SLIT1: variants seen among roughly 807,000 people sequenced by gnomAD.
SLIT1 encodes slit guidance ligand 1.
In SLIT1, 66 loss-of-function variants were observed where a neutral mutation model predicts 186.1. The ratio of observed to expected loss-of-function variants is 0.35; its 90% CI spans 0.29 to 0.44. The LOEUF is 0.44. Among genes scored for constraint, SLIT1 ranks in the 20% least tolerant of loss-of-function variants. The probability of loss-of-function intolerance (pLI) is 1.00; values close to 1 mark genes in which losing one functional copy is unlikely to be tolerated. For synonymous variants in SLIT1, 761 were observed against 833.8 expected, an observed-to-expected ratio of 0.91 and a Z score of 1.50; for missense variants, 1,638 against 2,037.4, an observed-to-expected ratio of 0.80 and a Z score of 3.77.
intron 4 of SLIT1, among the ~76,000 whole-genome samples, chr10:97,156,855 C>T (rs1035559375): frequency 6.6e-6 from 1 of 152,138 alleles, no homozygotes; most frequent in Non-Finnish European, 1.5e-5. Context: ...ATAGCTCCTT[C>T]AGGGACGAAC....
chr10:97,136,970 C>T (rs898017944), intron 4 of SLIT1, among the ~76,000 whole-genome samples: 9 of 152,126 alleles, frequency 5.9e-5, no homozygotes, highest in Non-Finnish European at 7.3e-5. Flanking sequence ...CAACAAAGAC[C>T]GATGCTCTTG....
intron 4 of SLIT1, among the ~76,000 whole-genome samples, chr10:97,127,004 T>G (rs1849608843): frequency 6.6e-6 from 1 of 152,106 alleles, no homozygotes; most frequent in African/African-American, 2.4e-5. Context: ...TTTAAAGGTT[T>G]TGAAGGCTGG....
chr10:97,071,669 G>A (rs924915118), intron 4 of SLIT1, among the ~76,000 whole-genome samples: 11 of 152,160 alleles, frequency 7.2e-5, no homozygotes, highest in Non-Finnish European at 1.0e-4. Flanking sequence ...TGGGCTGAGC[G>A]GGGCTCTGAG....
chr10:97,015,790 T>C (rs1258064011), intron 28 of SLIT1, among the ~76,000 whole-genome samples: 1 of 152,110 alleles, frequency 6.6e-6, no homozygotes, highest in Non-Finnish European at 1.5e-5. Context: ...CTTATGGTGA[T>C]GAGAAATAAG....
intron 4 of SLIT1, among the ~76,000 whole-genome samples, chr10:97,099,801 T>A (rs1469164682): frequency 6.6e-6 from 1 of 152,172 alleles, no homozygotes; most frequent in Admixed American, 6.5e-5. Flanking sequence ...GCCCCCGCAG[T>A]GTCTGGTTAC....
At chr10:97,110,398 C>T (rs895083765) in intron 4 of SLIT1, among the ~76,000 whole-genome samples, 10 of 152,124 alleles carry the variant, frequency 6.6e-5, no homozygotes, top group South Asian at 2.1e-4. Flanking sequence ...ATTATTTGCA[C>T]GGAAAAACCT....
At chr10:97,049,253 GGAAA>G (rs1848766359) in intron 13 of SLIT1, 135 bp from the exon 14 acceptor site, 11 of 1,025,476 alleles carry the variant, frequency 1.1e-5, no homozygotes, top group Non-Finnish European at 1.5e-5. Context: ...AGCCACGGGG[GGAAA>G]GAGAGAGTGG....
At chr10:97,153,015 A>C (rs567098211) in intron 4 of SLIT1, 1 of 152,174 alleles carries the variant, frequency 6.6e-6, no homozygotes, top group African/African-American at 2.4e-5. Flanking sequence ...CTATATTTCA[A>C]TATTCTAAAT....
chr10:97,113,015 A>G (rs972291007), intron 4 of SLIT1, among the ~76,000 whole-genome samples: 1 of 151,984 alleles, frequency 6.6e-6, no homozygotes, highest in Non-Finnish European at 1.5e-5. Context: ...TAAATAAGCA[A>G]TTGGATGCCA....
At chr10:97,182,104 G>C (rs558532732) in intron 1 of SLIT1, among the ~76,000 whole-genome samples, 1 of 152,288 alleles carries the variant, frequency 6.6e-6, no homozygotes, top group Admixed American at 6.5e-5. Flanking sequence ...TCATTACAGT[G>C]AATTATTTAG....
chr10:97,086,847 T>C (rs980370062), intron 4 of SLIT1, among the ~76,000 whole-genome samples: 1 of 152,086 alleles, frequency 6.6e-6, no homozygotes, highest in African/African-American at 2.4e-5. Flanking sequence ...CATTAGACAT[T>C]TGTCCAGACC....
intron 4 of SLIT1, among the ~76,000 whole-genome samples, chr10:97,097,107 G>A (rs985549249): frequency 5.9e-5 from 9 of 152,158 alleles, no homozygotes; most frequent in African/African-American, 1.9e-4. Context: ...ACTAGCACCC[G>A]CCTAGCCTAG....
chr10:97,185,723 A>G lies in SLIT1; in HGVS notation c.-49T>C, dbSNP rs1850405342. ...GCGAGCCAGACGGCAGCAGCCGCTG[A>G]CCATCCCCGTCCGGGGCCGCCTCCA... On this transcript the variant is annotated 5_prime_UTR_variant, in exon 1 of 37. Coordinates refer to ENST00000266058, the MANE Select transcript of SLIT1 (RefSeq NM_003061.3). 7.1e-7 allele frequency: 1 copy of G among 1,413,954 alleles called. No individual in the cohort carries two copies. The allele number at this position is 1,413,954 out of a possible 1,614,324, so 87.6% of individuals were successfully genotyped here.
intron 13 of SLIT1, among the ~76,000 whole-genome samples, chr10:97,050,547 C>A (rs930065334): frequency 6.6e-6 from 1 of 152,236 alleles, no homozygotes; most frequent in African/African-American, 2.4e-5. Context: ...GCTCAACATT[C>A]ATTTCCCCTT....
At chr10:97,062,455 T>G (rs1193466224) in intron 8 of SLIT1, among the ~76,000 whole-genome samples, 1 of 152,220 alleles carries the variant, frequency 6.6e-6, no homozygotes, top group Non-Finnish European at 1.5e-5. Flanking sequence ...GTCACAAATC[T>G]GAGAACTGTC....
chr10:97,002,565 G>T (rs899841750), intron 35 of SLIT1, 139 bp downstream of exon 35: 25 of 872,272 alleles, frequency 2.9e-5, no homozygotes, highest in Non-Finnish European at 3.9e-5. Flanking sequence ...TTAATAAAAA[G>T]TGAAAGCCAG....
chr10:97,130,554 T>G (rs746954412), intron 4 of SLIT1, among the ~76,000 whole-genome samples: 38 of 152,126 alleles, frequency 2.5e-4, no homozygotes, highest in Non-Finnish European at 5.3e-4. Context: ...CCCAGCACGG[T>G]CAAATTCACG....
intron 1 of SLIT1, among the ~76,000 whole-genome samples, chr10:97,172,934 GGAGA>G (rs72293609): frequency 0.47 from 69,335 of 147,960 alleles, 17,124 homozygotes; most frequent in East Asian, 0.58. Flanking sequence ...AAGGAAGGAG[GGAGA>G]GAGAGAGAGA....
chr10:97,182,305 G>A (rs958249015), intron 1 of SLIT1, among the ~76,000 whole-genome samples: 1 of 152,302 alleles, frequency 6.6e-6, no homozygotes, highest in South Asian at 2.1e-4. Context: ...GCTGGGCCTC[G>A]CAGGCTGCCG....
Sources: gnomAD v4.1 joint callset for allele counts (sites outside exome capture counted in the v4.1 genomes callset) on GRCh38, gnomAD v4.1.1 for gene constraint, MANE v1.5 for transcripts, NCBI Gene and HGNC (gene_info 2026-07-23, HGNC 2026-07-21) for gene names.